GRIK1: variants seen among roughly 807,000 people sequenced by gnomAD.
GRIK1 encodes the protein glutamate receptor ionotropic, kainate 1.
A neutral mutation model predicts 105.7 loss-of-function variants in GRIK1; 69 were observed. The observed-to-expected ratio is 0.65, with a 90% confidence interval of 0.54 to 0.80. GRIK1 has a LOEUF of 0.80. Ranked by LOEUF, GRIK1 falls within the 30% of genes least tolerant of loss-of-function variation. GRIK1 has a pLI of 0.00. For missense variants in GRIK1, 1,109 were observed against 1,167.3 expected, an observed-to-expected ratio of 0.95 and a Z score of 0.73; for synonymous variants, 438 against 431.3, an observed-to-expected ratio of 1.02 and a Z score of -0.19.
At chr21:29,600,519 G>A (rs1007775836) in intron 7 of GRIK1, among the ~76,000 whole-genome samples, 2 of 152,178 alleles carry the variant, frequency 1.3e-5, no homozygotes, top group Non-Finnish European at 2.9e-5. Flanking sequence ...TATCCACTTA[G>A]CTGTTTTTCT....
rs554074616 is a variant in GRIK1 at position 29,865,316 on chromosome 21, A to T, written c.118+74067T>A. On this transcript the variant is annotated intron_variant, in intron 1 of 17. Coordinates refer to ENST00000327783, the MANE Select transcript of GRIK1 (RefSeq NM_001330994.2). ...GTACATTTCTCACATCCCACTCCAA[A>T]TAAAAACAACTTTTCTGGGCCTCTA... Among the ~76,000 whole-genome samples the T allele has an allele frequency of 2.6e-5, 4 of 152,346 alleles. No homozygotes were observed. The South Asian group carries it at 8.3e-4, about 32-fold the overall frequency.
chr21:29,573,825 C>A (rs2090816837), intron 14 of GRIK1, among the ~76,000 whole-genome samples: 1 of 150,462 alleles, frequency 6.6e-6, no homozygotes, highest in African/African-American at 2.5e-5. Flanking sequence ...CTCCACCCAG[C>A]CTGGGCGACA....
chr21:29,712,296 A>G (rs967075845), intron 1 of GRIK1, among the ~76,000 whole-genome samples: 21 of 152,246 alleles, frequency 1.4e-4, no homozygotes, highest in Admixed American at 7.8e-4. Flanking sequence ...CAGACATTAT[A>G]TTCATTTCCA....
At chr21:29,538,730 G>A (rs760797464) in intron 16 of GRIK1, among the ~76,000 whole-genome samples, 14 of 152,102 alleles carry the variant, frequency 9.2e-5, no homozygotes, top group African/African-American at 1.4e-4. Context: ...ACTGCCTTAC[G>A]GGAAGAAATT....
intron 13 of GRIK1, among the ~76,000 whole-genome samples, chr21:29,577,431 A>G (rs1306121674): frequency 6.6e-6 from 1 of 152,230 alleles, no homozygotes; most frequent in Non-Finnish European, 1.5e-5. Context: ...ACCTGGAGGC[A>G]TTCCATGTCT....
chr21:29,911,199 C>T (rs2070802543), intron 1 of GRIK1, among the ~76,000 whole-genome samples: 1 of 151,874 alleles, frequency 6.6e-6, no homozygotes, highest in Non-Finnish European at 1.5e-5. Context: ...GAGTAACTTG[C>T]CCAAATTCAA....
intron 1 of GRIK1, among the ~76,000 whole-genome samples, chr21:29,696,800 CA>C (rs2063710647): frequency 6.6e-6 from 1 of 152,146 alleles, no homozygotes; most frequent in Admixed American, 6.6e-5. Context: ...TGGATGTGAG[CA>C]CCATTAATCT....
chr21:29,684,252 CTCTATCTATCTATCTA>C (rs59976698), intron 3 of GRIK1, among the ~76,000 whole-genome samples: 124 of 149,388 alleles, frequency 8.3e-4, no homozygotes, highest in African/African-American at 2.3e-3. Context: ...AATCTATCAT[CTCTATCTATCTATCTA>C]TCTATCTATC....
chr21:29,899,285 G>C (rs563809271), intron 1 of GRIK1, among the ~76,000 whole-genome samples: 1 of 152,158 alleles, frequency 6.6e-6, no homozygotes, highest in South Asian at 2.1e-4. Flanking sequence ...GTTTAGCTTC[G>C]AGTAAGTATG....
intron 1 of GRIK1, among the ~76,000 whole-genome samples, chr21:29,891,429 A>T (rs1305633639): frequency 2.6e-5 from 4 of 152,220 alleles, no homozygotes; most frequent in African/African-American, 7.2e-5. Context: ...TCATTCCATT[A>T]TAATCACAAT....
chr21:29,641,963 C>T (rs895134765), intron 7 of GRIK1, among the ~76,000 whole-genome samples: 2 of 152,146 alleles, frequency 1.3e-5, no homozygotes, highest in African/African-American at 4.8e-5. Flanking sequence ...CCATCCTTCT[C>T]CAGTACAGAA....
At chr21:29,706,930 T>G (rs912991670) in intron 1 of GRIK1, among the ~76,000 whole-genome samples, 9 of 152,120 alleles carry the variant, frequency 5.9e-5, no homozygotes, top group African/African-American at 2.2e-4. Flanking sequence ...AGTGGTGAGA[T>G]CTCAGCTCAC....
chr21:29,590,646 A>C (rs999020074), intron 10 of GRIK1, among the ~76,000 whole-genome samples: 8 of 152,250 alleles, frequency 5.3e-5, no homozygotes, highest in Non-Finnish European at 1.2e-4. Flanking sequence ...CCTGAAGCTC[A>C]GTGCAGCTGG....
chr21:29,555,768 G>A (rs2146131308), intron 15 of GRIK1, among the ~76,000 whole-genome samples: 1 of 152,238 alleles, frequency 6.6e-6, no homozygotes, highest in East Asian at 1.9e-4. Flanking sequence ...GTCTATTTGT[G>A]GCAATAAGAT....
At chr21:29,939,137 C>G (rs934420281) in intron 1 of GRIK1, among the ~76,000 whole-genome samples, 1 of 152,148 alleles carries the variant, frequency 6.6e-6, no homozygotes, top group Non-Finnish European at 1.5e-5. Context: ...CACTCTAGCC[C>G]GCGTTCCTGG....
Position 29,762,842 on chromosome 21 carries a change from C to T in GRIK1, c.119-68779G>A, listed in dbSNP as rs180732683. ...TTCAAAATGAATAAATTCCTGTCAA[C>T]GTGTTCAATGTAGTACTTGAAATGA... On this transcript the variant is annotated intron_variant, in intron 1 of 17. Coordinates refer to ENST00000327783, the MANE Select transcript of GRIK1 (RefSeq NM_001330994.2). Among the ~76,000 whole-genome samples, 13 of 152,278 alleles carry T rather than the reference C, an allele frequency of 8.5e-5. No homozygotes were observed. In the East Asian group the frequency reaches 1.7e-3, roughly 20 times the overall value.
In GRIK1 at chr21:29,939,632, G is replaced by T. The variant is rs1490584083; in HGVS notation, c.-132C>A. ...TCCAAGCACGCTGCGCGCTCCCCAC[G>T]GAGCGAGCTCGAGGGAACCCGCGTG... On this transcript the variant is annotated 5_prime_UTR_variant, in exon 1 of 18. Coordinates refer to ENST00000327783, the MANE Select transcript of GRIK1 (RefSeq NM_001330994.2). 8 of 589,396 alleles carry T rather than the reference G, an allele frequency of 1.4e-5. 1 individual carries two copies. The Admixed American group carries it at 1.4e-4, about 10-fold the overall frequency. The allele number at this position is 589,396 out of a possible 1,614,324, so 36.5% of individuals were successfully genotyped here.
chr21:29,541,697 G>C (rs1322277932), intron 16 of GRIK1, among the ~76,000 whole-genome samples: 1 of 109,922 alleles, frequency 9.1e-6, no homozygotes, highest in Non-Finnish European at 1.9e-5. Context: ...TAGTGTTTTA[G>C]TTAAAATAGT....
chr21:29,668,689 G>T (rs1395076007), intron 4 of GRIK1, among the ~76,000 whole-genome samples: 2 of 152,192 alleles, frequency 1.3e-5, no homozygotes, highest in African/African-American at 4.8e-5. Context: ...TTAGCACCCA[G>T]CATCCTGCTA....
Sources: gnomAD v4.1 joint callset for allele counts (sites outside exome capture counted in the v4.1 genomes callset) on GRCh38, gnomAD v4.1.1 for gene constraint, MANE v1.5 for transcripts, NCBI Gene and HGNC (gene_info 2026-07-23, HGNC 2026-07-21) for gene names.